Variants in MDGA2 observed in about 807,000 individuals in gnomAD.
MDGA2 encodes the protein MAM domain-containing glycosylphosphatidylinositol anchor protein 2.
Under a neutral mutation model 117.8 loss-of-function variants are expected in MDGA2, and 40 were observed. The observed-to-expected ratio is 0.34, with a 90% confidence interval of 0.26 to 0.44. The LOEUF (loss-of-function observed/expected upper bound fraction) is 0.44, where lower values mean the gene tolerates loss of function less well. Ranked by LOEUF, MDGA2 falls within the 20% of genes least tolerant of loss-of-function variation. The pLI is 1.00. For synonymous variants in MDGA2, 452 were observed against 439.0 expected (o/e 1.03, Z -0.37); for missense variants, 1,123 against 1,250.6 (o/e 0.90, Z 1.54).
chr14:46,959,722 T>A (rs1885716257), intron 8 of MDGA2, among the ~76,000 whole-genome samples: 1 of 152,188 alleles, frequency 6.6e-6, no homozygotes, highest in Non-Finnish European at 1.5e-5. Context: ...TTTTTGCCAC[T>A]ACTACTTGAA....
chr14:47,109,870 C>T (rs529110428), intron 5 of MDGA2, among the ~76,000 whole-genome samples: 14 of 152,102 alleles, frequency 9.2e-5, no homozygotes, highest in African/African-American at 2.9e-4. Context: ...TGTTAGGATC[C>T]GGGAGATAGA....
chr14:47,019,302 G>A (rs534198591), intron 8 of MDGA2, among the ~76,000 whole-genome samples: 1 of 152,230 alleles, frequency 6.6e-6, no homozygotes, highest in East Asian at 1.9e-4. Flanking sequence ...GAATACGTAA[G>A]TACACAAAAC....
intron 1 of MDGA2, among the ~76,000 whole-genome samples, chr14:47,621,002 A>G (rs1241537358): frequency 6.6e-6 from 1 of 152,224 alleles, no homozygotes; most frequent in Non-Finnish European, 1.5e-5. Context: ...AATATACTTC[A>G]ACATAACAAA....
At chr14:46,968,545 A>G (rs1886127425) in intron 8 of MDGA2, among the ~76,000 whole-genome samples, 1 of 152,052 alleles carries the variant, frequency 6.6e-6, no homozygotes, top group Non-Finnish European at 1.5e-5. Flanking sequence ...AAAAATTCCT[A>G]GATTTGGGCC....
intron 1 of MDGA2, among the ~76,000 whole-genome samples, chr14:47,337,802 C>T (rs1160066445): frequency 6.6e-6 from 1 of 151,850 alleles, no homozygotes; most frequent in Non-Finnish European, 1.5e-5. Flanking sequence ...ATCACATGAC[C>T]AGACTGTGTA....
At chr14:47,616,809 T>C (rs1896954911) in intron 1 of MDGA2, among the ~76,000 whole-genome samples, 1 of 152,182 alleles carries the variant, frequency 6.6e-6, no homozygotes, top group Non-Finnish European at 1.5e-5. Flanking sequence ...ACATTAGAAA[T>C]ATGACATGAA....
intron 14 of MDGA2, among the ~76,000 whole-genome samples, chr14:46,859,298 T>G (rs1881412002): frequency 6.6e-6 from 1 of 152,200 alleles, no homozygotes; most frequent in African/African-American, 2.4e-5. Flanking sequence ...CCACCTTTGT[T>G]GTGCTGTCAA....
At chr14:47,346,248 A>AT (rs1335609845) in intron 1 of MDGA2, among the ~76,000 whole-genome samples, 1 of 152,160 alleles carries the variant, frequency 6.6e-6, no homozygotes, top group Non-Finnish European at 1.5e-5. Context: ...AAATTTAAAA[A>AT]CAAAACAAAT....
intron 8 of MDGA2, chr14:46,996,996 G>A: frequency 2.7e-6 from 1 of 368,548 alleles, no homozygotes; most frequent in South Asian, 2.6e-5. Context: ...GCTTTACAGT[G>A]GCCAAAAACT....
chr14:47,495,415 A>AT (rs1172744339), intron 1 of MDGA2, among the ~76,000 whole-genome samples: 2 of 152,140 alleles, frequency 1.3e-5, no homozygotes, highest in Non-Finnish European at 2.9e-5. Context: ...TCCAGAAAAA[A>AT]AAAATAAAAG....
At chr14:47,594,512 A>C (rs1896499362) in intron 1 of MDGA2, among the ~76,000 whole-genome samples, 1 of 152,216 alleles carries the variant, frequency 6.6e-6, no homozygotes, top group Non-Finnish European at 1.5e-5. Flanking sequence ...TAGACACATT[A>C]AGTTTCAATT....
intron 4 of MDGA2, among the ~76,000 whole-genome samples, chr14:47,142,847 C>T (rs1217845167): frequency 6.6e-6 from 1 of 152,134 alleles, no homozygotes; most frequent in African/African-American, 2.4e-5. Context: ...ACTAGTAATA[C>T]ATGTGCGATG....
rs79895960 is a variant in MDGA2, at chr14:47,287,223, G to C, written c.420+14188C>G. Among the ~76,000 whole-genome samples, 613 of 152,134 alleles carry C rather than the reference G, an allele frequency of 4.0e-3. 4 individuals carry two copies. The highest frequency in any genetic ancestry group is 8.6e-3 in the Admixed American group (131 of 15,262). On this transcript the variant is annotated intron_variant, in intron 2 of 16. Coordinates refer to ENST00000399232, the MANE Select transcript of MDGA2 (RefSeq NM_001113498.3). ...AACAGCGTCCTGTGATATATGCCAA[G>C]CCTTTTAAACCAACCAAAGCTTTTG...
At chr14:47,600,723 T>TAAAAA (rs377627666) in intron 1 of MDGA2, among the ~76,000 whole-genome samples, 2 of 140,066 alleles carry the variant, frequency 1.4e-5, no homozygotes, top group African/African-American at 2.7e-5. Context: ...ATCGGATCAT[T>TAAAAA]AAAAAAAAAA....
chr14:47,405,505 T>C (rs1892242801), intron 1 of MDGA2, among the ~76,000 whole-genome samples: 1 of 152,196 alleles, frequency 6.6e-6, no homozygotes, highest in African/African-American at 2.4e-5. Flanking sequence ...AGGGGAGTAG[T>C]AATGTTAAGC....
intron 6 of MDGA2, among the ~76,000 whole-genome samples, chr14:47,072,104 G>GGGGC (rs1566607034): frequency 8.7e-6 from 1 of 114,758 alleles, no homozygotes; most frequent in Non-Finnish European, 1.9e-5. Context: ...TGTTGTTTGG[G>GGGGC]GGGGGGGGGG....
chr14:47,026,665 G>C (rs568965129), intron 8 of MDGA2, among the ~76,000 whole-genome samples: 1 of 152,076 alleles, frequency 6.6e-6, no homozygotes, highest in East Asian at 1.9e-4. Context: ...CCCAAATTCT[G>C]TATTTGGGAA....
At position 47,555,846 on chromosome 14, in the gene MDGA2, T is replaced by G. The variant is rs888629134; in HGVS notation, c.280+118671A>C. On this transcript the variant is annotated intron_variant, in intron 1 of 16. Transcript: ENST00000399232. ...CACAAACACAACTCTATCATTTACC[T>G]TCCTTTCCATGTAAGCCCTGCTTGT... Among the ~76,000 whole-genome samples the G allele has an allele frequency of 2.0e-5, 3 of 152,178 alleles. No homozygotes were observed. In the East Asian group the frequency reaches 5.8e-4, roughly 29 times the overall value.
intron 1 of MDGA2, among the ~76,000 whole-genome samples, chr14:47,426,568 T>C (rs1406943350): frequency 6.6e-6 from 1 of 151,516 alleles, no homozygotes; most frequent in Admixed American, 6.6e-5. Flanking sequence ...AATTAAAAAA[T>C]AGCACCAAAA....
Sources: allele counts gnomAD v4.1 joint callset (sites outside exome capture counted in the v4.1 genomes callset), GRCh38; gene constraint gnomAD v4.1.1; transcripts MANE v1.5; gene names NCBI Gene and HGNC (gene_info 2026-07-23, HGNC 2026-07-21).